Variants in ERBB2 observed in about 807,000 individuals in gnomAD.
The protein encoded by ERBB2 is erb-b2 receptor tyrosine kinase 2.
Under a neutral mutation model 149.0 loss-of-function variants are expected in ERBB2, and 61 were observed. That is an observed-to-expected ratio of 0.41 (90% CI 0.33 to 0.51). The LOEUF is 0.51. ERBB2 is among the 20% of genes least tolerant of loss of function. ERBB2 has a pLI of 0.25. For missense variants in ERBB2, 1,205 were observed against 1,655.1 expected, an observed-to-expected ratio of 0.73 and a Z score of 4.72; for synonymous variants, 633 against 678.8, an observed-to-expected ratio of 0.93 and a Z score of 1.05.
At chr17:39,692,430 GT>G (rs572656035), upstream of ERBB2, among the ~76,000 whole-genome samples, 1,586 of 149,314 alleles carry the variant, frequency 0.011, 11 homozygotes, top group Non-Finnish European at 0.016. Flanking sequence ...TTTAAACGGA[GT>G]TTTTGCTCTT....
chr17:39,698,656 C>T (rs189731494), upstream of ERBB2, among the ~76,000 whole-genome samples: 3 of 152,118 alleles, frequency 2.0e-5, no homozygotes, highest in African/African-American at 7.2e-5. Context: ...GAGGTGCCTG[C>T]TTTAAGTGTG....
At chr17:39,717,592 T>C in intron 15 of ERBB2, 112 bp downstream of exon 15, 1 of 889,918 alleles carries the variant, frequency 1.1e-6, no homozygotes, top group East Asian at 2.7e-5. Context: ...TTGTTTCTGA[T>C]GACAAAAATA....
chr17:39,721,779 CTG>C (rs2059466707), intron 16 of ERBB2, among the ~76,000 whole-genome samples: 1 of 152,044 alleles, frequency 6.6e-6, no homozygotes, highest in Admixed American at 6.5e-5. Context: ...TGCATACAGA[CTG>C]TGTGCTGATT....
chr17:39,698,781 G>T (rs1179963206), upstream of ERBB2, among the ~76,000 whole-genome samples: 1 of 152,170 alleles, frequency 6.6e-6, no homozygotes, highest in African/African-American at 2.4e-5. Flanking sequence ...TCCAGTCCCT[G>T]ATAGGTGCCT....
Position 39,706,561 on chromosome 17 carries a change from G to A in ERBB2, c.74-429G>A, listed in dbSNP as rs535309937. On this transcript the variant is annotated intron_variant, in intron 1 of 26. Transcript: ENST00000269571. ...TGGAATGGCATAGGGAGAATGCACCGAGTTTGTTTGCTTGGGAGAGGGGCA... is the reference window on the plus strand; with the variant it reads ...TGGAATGGCATAGGGAGAATGCACCAAGTTTGTTTGCTTGGGAGAGGGGCA... 5.9e-5 allele frequency among the ~76,000 whole-genome samples: 9 copies of A among 152,266 alleles called. No individual in the cohort carries two copies. The South Asian group carries it at 1.0e-3, about 18-fold the overall frequency.
intron 1 of ERBB2, among the ~76,000 whole-genome samples, chr17:39,704,770 A>G (rs528686775): frequency 2.0e-5 from 3 of 152,256 alleles, no homozygotes; most frequent in South Asian, 2.1e-4. Flanking sequence ...AAGATTCTTA[A>G]TCAGACTCAA....
intron 9 of ERBB2, 152 bp from the exon 10 acceptor site, chr17:39,715,134 G>A (rs1464642600): frequency 1.6e-6 from 1 of 635,070 alleles, no homozygotes; most frequent in Non-Finnish European, 2.8e-6. Context: ...ACTAAGGCCT[G>A]GGCTTTGAAG....
intron 16 of ERBB2, among the ~76,000 whole-genome samples, chr17:39,722,232 G>A (rs970390977): frequency 5.9e-5 from 9 of 152,196 alleles, no homozygotes; most frequent in South Asian, 2.1e-4. Context: ...GCCAGGCACC[G>A]TGGCTCACAC....
intron 3 of ERBB2, 190 bp from the exon 4 acceptor site, chr17:39,709,128 C>T: frequency 3.0e-6 from 2 of 658,220 alleles, no homozygotes. Flanking sequence ...CTCCCTGGCT[C>T]TCGCTTTGTT....
At chr17:39,692,558 T>C (rs1444476183), upstream of ERBB2, among the ~76,000 whole-genome samples, 1 of 151,862 alleles carries the variant, frequency 6.6e-6, no homozygotes, top group African/African-American at 2.4e-5. Flanking sequence ...GGCATGCGCC[T>C]CCACGCCTGG....
Position 39,700,159 on chromosome 17 carries a change from A to G in ERBB2, c.-80A>G. 1 of 1,326,044 alleles carries G rather than the reference A, an allele frequency of 7.5e-7. No individual in the cohort carries two copies. The highest frequency in any genetic ancestry group is 9.6e-7 in the Non-Finnish European group (1 of 1,046,166). 82.1% of individuals were successfully genotyped at this position (1,326,044 alleles called of 1,614,324 possible). A position where few individuals can be genotyped will look rare whatever the true frequency, so the allele number is the denominator to read the frequency against. ...TTACTGCGCCGCGCGCCCGGCCCCC[A>G]CCCCTCGCAGCACCCCGCGCCCCGC... is the stretch of plus-strand genomic sequence containing the variant. On this transcript the variant is annotated 5_prime_UTR_variant, in exon 1 of 27. Coordinates refer to ENST00000269571, the MANE Select transcript of ERBB2 (RefSeq NM_004448.4).
chr17:39,727,276 CT>C lies in ERBB2; in HGVS notation c.3160-16del, dbSNP rs2059826119. 3.7e-6 allele frequency: 6 copies of C among 1,611,272 alleles called. No individual in the cohort carries two copies. Among genetic ancestry groups the C allele is most frequent in the Non-Finnish European group, 5.1e-6 (6 of 1,179,448 alleles). ...GATCCGTGAGTGACCCCCATCATGA[CT>C]TTCTTTCTTGTCCCCAGAGTGGCGG... On this transcript the variant is annotated intron_variant, in intron 25 of 26. Transcript: ENST00000269571. The surrounding 1 kb of genome is among the most constrained non-coding windows in gnomAD (Gnocchi z 4.3).
At chr17:39,710,796 T>C (rs376349163) in intron 7 of ERBB2, among the ~76,000 whole-genome samples, 13 of 152,356 alleles carry the variant, frequency 8.5e-5, no homozygotes, top group South Asian at 4.1e-4. Context: ...CTGCATAAGA[T>C]GGTTATAACA....
At chr17:39,716,459 C>T (rs2059132538) in intron 13 of ERBB2, 26 bp downstream of exon 13, 1 of 1,612,940 alleles carries the variant, frequency 6.2e-7, no homozygotes. Context: ...GAGAGGGTGG[C>T]TGGAGGGGTG....
In ERBB2 at chr17:39,727,341, A is replaced by T. The variant is rs1465484829; in HGVS notation, c.3206A>T (p.Glu1069Val). The T allele has an allele frequency of 6.2e-7, 1 of 1,612,034 alleles. No individual in the cohort carries two copies. Among genetic ancestry groups the T allele is most frequent in the Non-Finnish European group, 8.5e-7 (1 of 1,179,402 alleles). ...LTLGLEPSEEEAPRSPLAPSE... is the reference protein window; with the variant it reads ...LTLGLEPSEEVAPRSPLAPSE... ...CTAGGGCTGGAGCCCTCTGAAGAGGAGGCCCCCAGGTCTCCACTGGCACCC... is the reference window on the plus strand; with the variant it reads ...CTAGGGCTGGAGCCCTCTGAAGAGGTGGCCCCCAGGTCTCCACTGGCACCC... Residue 1069 changes from glutamate (E) to valine (V), a missense_variant, in exon 26 of 27, where the codon GAG (glutamate) becomes GTG (valine). Transcript: ENST00000269571. This position sits in a 1 kb window ranked among gnomAD's most constrained non-coding sequence, Gnocchi z 4.3.
chr17:39,694,226 A>T (rs12942437), upstream of ERBB2, among the ~76,000 whole-genome samples: 163 of 18,322 alleles, frequency 8.9e-3, 8 homozygotes, highest in Non-Finnish European at 0.012. Context: ...AAAAAAAAAA[A>T]ATATATATAT....
upstream of ERBB2, chr17:39,699,847 C>CA (rs1361392638): frequency 1.8e-6 from 1 of 564,870 alleles, no homozygotes; most frequent in Non-Finnish European, 2.9e-6. Flanking sequence ...AGAACGGCTG[C>CA]AGGCAACCCA....
intron 7 of ERBB2, among the ~76,000 whole-genome samples, chr17:39,711,010 G>A (rs894163911): frequency 9.2e-5 from 14 of 152,182 alleles, no homozygotes; most frequent in African/African-American, 2.9e-4. Flanking sequence ...TGCTATTCTC[G>A]TGTCTCAGCC....
At chr17:39,718,231 T>C (rs1342050071) in intron 15 of ERBB2, among the ~76,000 whole-genome samples, 2 of 152,260 alleles carry the variant, frequency 1.3e-5, no homozygotes, top group African/African-American at 4.8e-5. Flanking sequence ...TCTACCTTAT[T>C]CTTTTAATTT....
Sources: gnomAD v4.1 joint callset for allele counts (sites outside exome capture counted in the v4.1 genomes callset) on GRCh38, gnomAD v4.1.1 for gene constraint, Gnocchi (gnomAD v3.1) non-coding constraint, MANE v1.5 for transcripts, NCBI Gene and HGNC (gene_info 2026-07-23, HGNC 2026-07-21) for gene names.